The following CACNA1C variants were observed in gnomAD, a reference collection of about 807,000 sequenced individuals.
CACNA1C encodes the protein voltage-dependent L-type calcium channel subunit alpha-1C.
Under a neutral mutation model 229.0 loss-of-function variants are expected in CACNA1C, and 30 were observed. The observed-to-expected ratio is 0.13, with a 90% CI of 0.10 to 0.18. The LOEUF (loss-of-function observed/expected upper bound fraction) is 0.18. Among genes scored for constraint, CACNA1C ranks in the 10% least tolerant of loss-of-function variants. The pLI, the probability that CACNA1C is intolerant of heterozygous loss-of-function variation, is 1.00. For synonymous variants in CACNA1C, 1,114 were observed against 1,132.5 expected, an observed-to-expected ratio of 0.98 and a Z score of 0.33; for missense variants, 1,658 against 2,845.0, an observed-to-expected ratio of 0.58 and a Z score of 9.49.
intron 3 of CACNA1C, among the ~76,000 whole-genome samples, chr12:2,310,880 T>C (rs2095402397): frequency 6.6e-6 from 1 of 151,958 alleles, no homozygotes; most frequent in Admixed American, 6.6e-5. Flanking sequence ...TGCACTTGGG[T>C]GGGAGGGAGT....
chr12:2,440,630 CTG>C (rs1409349177), intron 3 of CACNA1C, among the ~76,000 whole-genome samples: 1 of 152,230 alleles, frequency 6.6e-6, no homozygotes, highest in Non-Finnish European at 1.5e-5. Context: ...CCAGCAGCTC[CTG>C]TTGGGCACAG....
intron 3 of CACNA1C, among the ~76,000 whole-genome samples, chr12:2,162,308 G>T (rs1351950410): frequency 6.6e-6 from 1 of 151,798 alleles, no homozygotes; most frequent in Non-Finnish European, 1.5e-5. Flanking sequence ...AAACCGCTCT[G>T]AGGAGCAGCT....
intron 3 of CACNA1C, among the ~76,000 whole-genome samples, chr12:2,167,815 A>G (rs974682292): frequency 5.9e-5 from 9 of 152,130 alleles, no homozygotes; most frequent in Admixed American, 3.3e-4. Context: ...ATCACTCTAT[A>G]TACTACAGAT....
intron 3 of CACNA1C, among the ~76,000 whole-genome samples, chr12:2,311,944 A>G (rs183387669): frequency 6.6e-6 from 1 of 152,334 alleles, no homozygotes; most frequent in African/African-American, 2.4e-5. Context: ...TCCCCCAAAT[A>G]AAAGAGCAGG....
chr12:2,434,038 A>T (rs1389694880), intron 3 of CACNA1C, among the ~76,000 whole-genome samples: 3 of 152,252 alleles, frequency 2.0e-5, no homozygotes, highest in African/African-American at 7.2e-5. Flanking sequence ...AACGCTATGC[A>T]TACATGGACA....
intron 3 of CACNA1C, among the ~76,000 whole-genome samples, chr12:2,178,206 G>A (rs2096726584): frequency 6.6e-6 from 1 of 152,194 alleles, no homozygotes; most frequent in Admixed American, 6.5e-5. Context: ...TTTCAAATGG[G>A]TATCCGTCCT....
chr12:2,554,028 G>A (rs540691581), intron 10 of CACNA1C, among the ~76,000 whole-genome samples: 5 of 152,188 alleles, frequency 3.3e-5, no homozygotes, highest in Non-Finnish European at 5.9e-5. Context: ...TATTAAAGGC[G>A]AATTTGGGAC....
chr12:2,457,988 C>G (rs926114408), intron 5 of CACNA1C, among the ~76,000 whole-genome samples: 1 of 152,160 alleles, frequency 6.6e-6, no homozygotes, highest in Non-Finnish European at 1.5e-5. Flanking sequence ...TCTGAGCCAC[C>G]CTGGAGGCCC....
chr12:2,635,398 T>C lies in CACNA1C; in HGVS notation c.3912+1018T>C, dbSNP rs564757622. On this transcript the variant is annotated intron_variant, in intron 30 of 46. Coordinates refer to ENST00000399655, the MANE Select transcript of CACNA1C (RefSeq NM_000719.7). ...TGTTGTTTAATTTTTTCGTTATTAT[T>C]TTTCCTTAATTAAGAGACTTGGTAA... 9.8e-5 allele frequency among the ~76,000 whole-genome samples: 15 copies of C among 152,346 alleles called. No homozygotes were observed. In the South Asian group the frequency reaches 2.9e-3, roughly 29 times the overall value.
At chr12:2,381,114 TG>T (rs1429928108) in intron 3 of CACNA1C, among the ~76,000 whole-genome samples, 1 of 152,178 alleles carries the variant, frequency 6.6e-6, no homozygotes, top group Non-Finnish European at 1.5e-5. Context: ...TGGCTGCCTG[TG>T]GTTGTGGGAA....
chr12:2,340,432 A>G (rs2096828792), intron 3 of CACNA1C, among the ~76,000 whole-genome samples: 1 of 152,248 alleles, frequency 6.6e-6, no homozygotes, highest in Non-Finnish European at 1.5e-5. Flanking sequence ...GAAGAAAACA[A>G]GTGAATGGGA....
At position 2,540,887 on chromosome 12, in the gene CACNA1C, G is replaced by A. The variant is rs1474828464; in HGVS notation, c.1391-9056G>A. Among the ~76,000 whole-genome samples, 3 of 152,294 alleles carry A rather than the reference G, an allele frequency of 2.0e-5. No homozygotes were observed. In the East Asian group the frequency reaches 5.8e-4, roughly 29 times the overall value. ...ACAGCGTATCACAGACCCAGGAGCT[G>A]GAACAGCAGGAGCTGATTTTATCAG... On this transcript the variant is annotated intron_variant, in intron 9 of 46. Transcript: ENST00000399655.
chr12:2,501,391 C>T (rs976388525), intron 7 of CACNA1C, among the ~76,000 whole-genome samples: 1 of 152,112 alleles, frequency 6.6e-6, no homozygotes, highest in Admixed American at 6.5e-5. Context: ...CTGGGACTCC[C>T]ATTCCAGGGC....
intron 24 of CACNA1C, among the ~76,000 whole-genome samples, chr12:2,606,352 T>A (rs1270796435): frequency 1.3e-5 from 2 of 151,712 alleles, no homozygotes; most frequent in Non-Finnish European, 2.9e-5. Context: ...CACTTCTCCC[T>A]CCCTGGCGAG....
rs556222289 is a variant in CACNA1C at position 2,122,604 on chromosome 12, A to G, written c.477+2174A>G. Among the ~76,000 whole-genome samples, 424 of 152,160 alleles carry G rather than the reference A, an allele frequency of 2.8e-3. 5 individuals carry two copies. Among genetic ancestry groups the G allele is most frequent in the African/African-American group, 9.9e-3 (409 of 41,500 alleles). On this transcript the variant is annotated intron_variant, in intron 3 of 46. Coordinates refer to ENST00000399655, the MANE Select transcript of CACNA1C (RefSeq NM_000719.7). The stretch of plus-strand genomic sequence containing the variant: ...TGCAGATGCCCCCTTTACAAAGCAC[A>G]TTCTCCCCTTGCTTCTTCCAGCCTC...
intron 1 of CACNA1C, among the ~76,000 whole-genome samples, chr12:1,985,345 CCTAT>C (rs2037398275): frequency 6.6e-6 from 1 of 152,108 alleles, no homozygotes; most frequent in Admixed American, 6.5e-5. Context: ...TTTCTATTGA[CCTAT>C]CTATGAGTTC....
intron 3 of CACNA1C, among the ~76,000 whole-genome samples, chr12:2,170,864 G>A (rs1343838622): frequency 6.6e-6 from 1 of 152,260 alleles, no homozygotes; most frequent in East Asian, 1.9e-4. Context: ...GCCTGCAGGG[G>A]CCCTGAGGCA....
rs2059995482 is a variant in CACNA1C at position 2,067,945 on chromosome 12, C to T, written c.49+14334C>T. ...CGGTTAGCCTTTGTGGAGTGTTAAG[C>T]CCTGCGATTTTATATCCTTATAATT... On this transcript the variant is annotated intron_variant, in intron 1 of 46. Coordinates refer to ENST00000399655, the MANE Select transcript of CACNA1C (RefSeq NM_000719.7). This position sits in a 1 kb window ranked among gnomAD's most constrained non-coding sequence, Gnocchi z 5.3. Among the ~76,000 whole-genome samples the T allele has an allele frequency of 2.0e-5, 3 of 152,122 alleles. No individual in the cohort carries two copies. The highest frequency in any genetic ancestry group is 2.1e-4 in the South Asian group (1 of 4,816).
intron 3 of CACNA1C, among the ~76,000 whole-genome samples, chr12:2,337,759 C>T (rs1283004164): frequency 6.6e-6 from 1 of 152,212 alleles, no homozygotes; most frequent in East Asian, 1.9e-4. Context: ...AAGTGGGCTG[C>T]CCAGAGGAAC....
Sources: gnomAD v4.1 joint callset for allele counts (sites outside exome capture counted in the v4.1 genomes callset) on GRCh38, gnomAD v4.1.1 for gene constraint, Gnocchi (gnomAD v3.1) non-coding constraint, MANE v1.5 for transcripts, NCBI Gene and HGNC (gene_info 2026-07-23, HGNC 2026-07-21) for gene names.